Variants in DNAI4 observed in about 807,000 individuals in gnomAD.
DNAI4 encodes the protein dynein axonemal intermediate chain 4.
In DNAI4, 85 loss-of-function variants were observed where a neutral mutation model predicts 105.8. That is an observed-to-expected ratio of 0.80 (90% CI 0.67 to 0.96). The LOEUF is 0.96. Among genes scored for constraint, DNAI4 ranks in the 40% least tolerant of loss-of-function variants. The pLI is 0.00. For missense variants in DNAI4, 1,014 were observed against 1,005.6 expected, an observed-to-expected ratio of 1.01 and a Z score of -0.11; for synonymous variants, 352 against 331.5, an observed-to-expected ratio of 1.06 and a Z score of -0.67.
rs542681601 is a variant in DNAI4 at position 66,921,672 on chromosome 1, T to G, written c.170+2990A>C. On this transcript the variant is annotated intron_variant, in intron 1 of 16. Transcript: ENST00000371026. The stretch of plus-strand genomic sequence containing the variant: ...TTAATAAACTCAATTTAATTTTACA[T>G]TAAAATTTCTATACCTTAAGGTGAA... Among the ~76,000 whole-genome samples, 11 of 152,318 alleles carry G rather than the reference T, an allele frequency of 7.2e-5. No individual in the cohort carries two copies. The East Asian group carries it at 2.1e-3, about 29-fold the overall frequency.
chr1:66,906,460 C>T (rs1649257431), intron 1 of DNAI4, among the ~76,000 whole-genome samples: 1 of 152,010 alleles, frequency 6.6e-6, no homozygotes, highest in Admixed American at 6.6e-5. Flanking sequence ...AAAAATCTGA[C>T]AAGAATAAAA....
At chr1:66,854,866 T>C (rs779262073) in intron 7 of DNAI4, among the ~76,000 whole-genome samples, 14 of 152,278 alleles carry the variant, frequency 9.2e-5, no homozygotes, top group Non-Finnish European at 1.9e-4. Flanking sequence ...AAATGAGATC[T>C]AAATAAATGG....
chr1:66,922,060 G>A (rs1025778650), intron 1 of DNAI4, among the ~76,000 whole-genome samples: 1 of 151,952 alleles, frequency 6.6e-6, no homozygotes, highest in Non-Finnish European at 1.5e-5. Flanking sequence ...ACCACGCCTG[G>A]CTCAATGTTT....
At chr1:66,909,937 T>A (rs1340651331) in intron 1 of DNAI4, among the ~76,000 whole-genome samples, 2 of 152,198 alleles carry the variant, frequency 1.3e-5, no homozygotes, top group Non-Finnish European at 2.9e-5. Flanking sequence ...ACCATCCTGG[T>A]CCAAACACTA....
chr1:66,821,823 T>C (rs1342543158), intron 16 of DNAI4, among the ~76,000 whole-genome samples: 1 of 152,052 alleles, frequency 6.6e-6, no homozygotes, highest in African/African-American at 2.4e-5. Context: ...AGAGAAAAAA[T>C]GAAAATTTTA....
chr1:66,824,351 CCAGCTTTGTT>C, intron 15 of DNAI4, among the ~76,000 whole-genome samples: 1 of 151,398 alleles, frequency 6.6e-6, no homozygotes, highest in African/African-American at 2.4e-5. Context: ...TGTGATGCCT[CCAGCTTTGTT>C]CTTTTGGCTT....
intron 1 of DNAI4, among the ~76,000 whole-genome samples, chr1:66,911,640 T>C (rs1649664573): frequency 6.6e-6 from 1 of 152,188 alleles, no homozygotes; most frequent in Non-Finnish European, 1.5e-5. Context: ...CAAATAAATA[T>C]TTATTTTACA....
intron 16 of DNAI4, among the ~76,000 whole-genome samples, chr1:66,817,818 C>G (rs1378371535): frequency 6.6e-6 from 1 of 152,100 alleles, no homozygotes; most frequent in Non-Finnish European, 1.5e-5. Context: ...GACTGGGAGA[C>G]AAATGCACTG....
chr1:66,924,150 A>G (rs1650891912), intron 1 of DNAI4, among the ~76,000 whole-genome samples: 1 of 152,208 alleles, frequency 6.6e-6, no homozygotes, highest in Non-Finnish European at 1.5e-5. Context: ...TTTCTCACAC[A>G]GCAAGCACAG....
At chr1:66,902,239 T>G (rs1648884753) in intron 2 of DNAI4, among the ~76,000 whole-genome samples, 1 of 152,188 alleles carries the variant, frequency 6.6e-6, no homozygotes, top group Non-Finnish European at 1.5e-5. Context: ...GTTTTGTTTT[T>G]TTTAATAGTA....
intron 8 of DNAI4, among the ~76,000 whole-genome samples, chr1:66,841,176 A>G (rs1646140709): frequency 6.6e-6 from 1 of 152,228 alleles, no homozygotes; most frequent in Non-Finnish European, 1.5e-5. Flanking sequence ...AAGTTCAACC[A>G]GCATATCATC....
chr1:66,908,801 A>G (rs1394629865), intron 1 of DNAI4, among the ~76,000 whole-genome samples: 1 of 152,058 alleles, frequency 6.6e-6, no homozygotes, highest in South Asian at 2.1e-4. Context: ...TCCATTTTTT[A>G]CTACACTCTT....
chr1:66,885,200 T>C (rs147286860), intron 4 of DNAI4, among the ~76,000 whole-genome samples: 24 of 152,336 alleles, frequency 1.6e-4, no homozygotes, highest in African/African-American at 5.5e-4. Flanking sequence ...TCTGAGCACA[T>C]ACTTTGTATA....
chr1:66,921,068 G>T (rs534229148), intron 1 of DNAI4, among the ~76,000 whole-genome samples: 1 of 152,310 alleles, frequency 6.6e-6, no homozygotes, highest in South Asian at 2.1e-4. Flanking sequence ...CAGATATTTT[G>T]TAACTGTAAG....
chr1:66,913,984 A>C (rs1339171038), intron 1 of DNAI4, among the ~76,000 whole-genome samples: 1 of 132,006 alleles, frequency 7.6e-6, no homozygotes, highest in Non-Finnish European at 1.7e-5. Flanking sequence ...ACTCCGTCTC[A>C]AAAAAAAAAA....
At chr1:66,823,683 G>GT (rs1420089337) in intron 15 of DNAI4, among the ~76,000 whole-genome samples, 1 of 146,164 alleles carries the variant, frequency 6.8e-6, no homozygotes. Flanking sequence ...TTTTTCATGT[G>GT]TTTTTTGGCT....
intron 5 of DNAI4, 69 bp downstream of exon 5, chr1:66,874,712 A>C (rs999065216): frequency 6.6e-7 from 1 of 1,511,246 alleles, no homozygotes; most frequent in Non-Finnish European, 8.9e-7. Flanking sequence ...CTTCACAGAA[A>C]CAAGGATAAG....
intron 7 of DNAI4, among the ~76,000 whole-genome samples, chr1:66,853,772 T>C (rs999099808): frequency 3.9e-5 from 6 of 152,232 alleles, no homozygotes; most frequent in Non-Finnish European, 8.8e-5. Flanking sequence ...TTATACCTCA[T>C]GCAGAAAGAC....
chr1:66,911,668 A>G (rs1327590765), intron 1 of DNAI4, among the ~76,000 whole-genome samples: 21 of 152,238 alleles, frequency 1.4e-4, no homozygotes, highest in Admixed American at 1.4e-3. Flanking sequence ...AGTACATAAT[A>G]CAGTGGCTGT....
Sources: gnomAD v4.1 joint callset for allele counts (sites outside exome capture counted in the v4.1 genomes callset) on GRCh38, gnomAD v4.1.1 for gene constraint, MANE v1.5 for transcripts, NCBI Gene and HGNC (gene_info 2026-07-23, HGNC 2026-07-21) for gene names.